Variants in PAPPA2 observed in about 807,000 individuals in gnomAD.
PAPPA2 encodes the protein pappalysin 2.
A neutral mutation model predicts 176.4 loss-of-function variants in PAPPA2; 86 were observed. The ratio of observed to expected loss-of-function variants is 0.49; its 90% CI spans 0.41 to 0.58. The LOEUF (loss-of-function observed/expected upper bound fraction) is 0.58. Ranked by LOEUF, PAPPA2 falls within the 20% of genes least tolerant of loss-of-function variation. The pLI, the probability that PAPPA2 is intolerant of heterozygous loss-of-function variation, is 0.00. For missense variants in PAPPA2, 2,073 were observed against 2,256.9 expected, an observed-to-expected ratio of 0.92 and a Z score of 1.65; for synonymous variants, 809 against 852.2, an observed-to-expected ratio of 0.95 and a Z score of 0.88.
intron 17 of PAPPA2, among the ~76,000 whole-genome samples, chr1:176,772,659 C>A (rs1371711748): frequency 6.6e-6 from 1 of 152,124 alleles, no homozygotes; most frequent in Non-Finnish European, 1.5e-5. Flanking sequence ...TCATAGGAGG[C>A]AACACTCCCT....
chr1:176,808,418 A>G (rs946945195), intron 21 of PAPPA2, among the ~76,000 whole-genome samples: 6 of 152,232 alleles, frequency 3.9e-5, no homozygotes, highest in African/African-American at 1.2e-4. Flanking sequence ...ATCATCTTCC[A>G]GTGGTTCTCA....
intron 3 of PAPPA2, among the ~76,000 whole-genome samples, chr1:176,623,702 C>CTT (rs1379410274): frequency 1.9e-5 from 2 of 105,156 alleles, no homozygotes; most frequent in Non-Finnish European, 3.7e-5. Flanking sequence ...TCTTTCCTTT[C>CTT]TTTCTTTTCT....
At chr1:176,679,269 C>T (rs1659461881) in intron 4 of PAPPA2, among the ~76,000 whole-genome samples, 2 of 152,068 alleles carry the variant, frequency 1.3e-5, no homozygotes, top group South Asian at 4.1e-4. Flanking sequence ...TGTGTGATGC[C>T]ATCAACCTAC....
intron 3 of PAPPA2, among the ~76,000 whole-genome samples, chr1:176,612,961 C>T (rs10913217): frequency 0.16 from 24,349 of 151,934 alleles, 2,076 homozygotes; most frequent in Middle Eastern, 0.22. Context: ...TCTCTGAGAC[C>T]GGAAGGAAGG....
intron 1 of PAPPA2, among the ~76,000 whole-genome samples, chr1:176,528,031 T>C (rs1182844309): frequency 1.3e-5 from 2 of 152,218 alleles, no homozygotes; most frequent in Non-Finnish European, 1.5e-5. Context: ...TAGTCCTGGG[T>C]AAACCATGAC....
At chr1:176,552,292 TC>T (rs1651006189) in intron 1 of PAPPA2, among the ~76,000 whole-genome samples, 1 of 149,868 alleles carries the variant, frequency 6.7e-6, no homozygotes, top group Non-Finnish European at 1.5e-5. Flanking sequence ...CCTCCTACCC[TC>T]CCCCTTCCAT....
chr1:176,495,477 T>A, intron 1 of PAPPA2, among the ~76,000 whole-genome samples: 1 of 150,128 alleles, frequency 6.7e-6, no homozygotes, highest in Non-Finnish European at 1.5e-5. Context: ...GAGGTGGAGG[T>A]TGCAGTGAGC....
At position 176,478,455 on chromosome 1, in the gene PAPPA2, A is replaced by G. The variant is rs1652239484; in HGVS notation, c.-917+15037A>G. The stretch of plus-strand genomic sequence containing the variant: ...CAGTTGCCTCATCAGTTAAATGGGG[A>G]GAAAAATAGAATCTACCTACTGATG... On this transcript the variant is annotated intron_variant, in intron 1 of 22. Transcript: ENST00000367662. 1.3e-5 allele frequency among the ~76,000 whole-genome samples: 2 copies of G among 152,204 alleles called. 1 individual carries two copies. The highest frequency in any genetic ancestry group is 4.8e-5 in the African/African-American group (2 of 41,452).
intron 12 of PAPPA2, among the ~76,000 whole-genome samples, chr1:176,731,292 T>A (rs920678140): frequency 6.6e-6 from 1 of 151,920 alleles, no homozygotes; most frequent in Non-Finnish European, 1.5e-5. Context: ...ACACACACGT[T>A]GTACACTGTA....
chr1:176,661,234 A>G (rs533997539), intron 3 of PAPPA2, among the ~76,000 whole-genome samples: 249 of 152,236 alleles, frequency 1.6e-3, no homozygotes, highest in Non-Finnish European at 2.4e-3. Context: ...CAGTCAAGAC[A>G]TAGTTGCAAA....
rs952161311 is a variant in PAPPA2 at position 176,842,797 on chromosome 1, A to G, written c.*343A>G. Reference sequence around the variant, plus strand: ...CCTGCTCTCCGCTCCACCCCCTGCCAACTACTCAGTCCCACCCAACTTGTA... The same window carrying G: ...CCTGCTCTCCGCTCCACCCCCTGCCGACTACTCAGTCCCACCCAACTTGTA... On this transcript the variant is annotated 3_prime_UTR_variant, in exon 23 of 23. Coordinates refer to ENST00000367662, the MANE Select transcript of PAPPA2 (RefSeq NM_020318.3). 4 of 215,188 alleles carry G rather than the reference A, an allele frequency of 1.9e-5. No homozygotes were observed. The highest frequency in any genetic ancestry group is 5.4e-5 in the Admixed American group (1 of 18,570). 13.3% of individuals were successfully genotyped at this position (215,188 alleles called of 1,614,324 possible). A position where few individuals can be genotyped will look rare whatever the true frequency, so the allele number is the denominator to read the frequency against.
chr1:176,557,028 C>T lies in PAPPA2; in HGVS notation c.706C>T (p.Pro236Ser). ...SLKHRVKKSP[P>S]EESNQNGGEG... ...TAAACACAGGGTCAAAAAGAGTCCA[C>T]CGGAGGAAAGCAACCAAAATGGTGG... The change falls in exon 2 of 23, where the codon CCG becomes TCG. Residue 236 changes from proline to serine, a missense_variant. Coordinates refer to ENST00000367662, the MANE Select transcript of PAPPA2 (RefSeq NM_020318.3). 6.2e-7 allele frequency: 1 copy of T among 1,614,024 alleles called. No homozygotes were observed. The highest frequency in any genetic ancestry group is 8.5e-7 in the Non-Finnish European group (1 of 1,179,988).
intron 1 of PAPPA2, among the ~76,000 whole-genome samples, chr1:176,522,567 T>C (rs1649271305): frequency 1.3e-5 from 2 of 152,256 alleles, no homozygotes; most frequent in South Asian, 4.1e-4. Context: ...AGTAATAAAA[T>C]CAGTCTTCCA....
intron 1 of PAPPA2, among the ~76,000 whole-genome samples, chr1:176,477,543 G>A (rs1311803562): frequency 6.6e-6 from 1 of 152,064 alleles, no homozygotes; most frequent in East Asian, 1.9e-4. Flanking sequence ...TCAGGAGATC[G>A]AGATCATCCT....
chr1:176,489,292 T>C (rs983216394), intron 1 of PAPPA2, among the ~76,000 whole-genome samples: 1 of 152,214 alleles, frequency 6.6e-6, no homozygotes, highest in African/African-American at 2.4e-5. Context: ...TGAGTTGGAA[T>C]TGAAGTTCAA....
chr1:176,600,913 A>T (rs886391007), intron 3 of PAPPA2, among the ~76,000 whole-genome samples: 2 of 152,204 alleles, frequency 1.3e-5, no homozygotes, highest in Non-Finnish European at 2.9e-5. Context: ...GGGTTGATGT[A>T]TGAACAACTC....
chr1:176,513,161 CA>C (rs1648716740), intron 1 of PAPPA2, among the ~76,000 whole-genome samples: 3 of 64,638 alleles, frequency 4.6e-5, no homozygotes, highest in Non-Finnish European at 8.9e-5. Context: ...TTCTGTCTAT[CA>C]TCATCATCAT....
At chr1:176,817,007 ATAAAGG>A (rs1481807035) in intron 21 of PAPPA2, among the ~76,000 whole-genome samples, 2 of 152,206 alleles carry the variant, frequency 1.3e-5, no homozygotes, top group Admixed American at 6.5e-5. Flanking sequence ...TCCTAGGAAT[ATAAAGG>A]TAATCAATAG....
chr1:176,675,717 A>G (rs1659253309), intron 4 of PAPPA2, among the ~76,000 whole-genome samples: 1 of 152,152 alleles, frequency 6.6e-6, no homozygotes, highest in Admixed American at 6.6e-5. Flanking sequence ...AACAATATTC[A>G]AAGAGATAAT....
Sources: gnomAD v4.1 joint callset for allele counts (sites outside exome capture counted in the v4.1 genomes callset) on GRCh38, gnomAD v4.1.1 for gene constraint, MANE v1.5 for transcripts, NCBI Gene and HGNC (gene_info 2026-07-23, HGNC 2026-07-21) for gene names.